Variants in ZKSCAN7 observed in about 807,000 individuals in gnomAD.
ZKSCAN7 encodes the protein zinc finger with KRAB and SCAN domains 7, also known as zinc finger protein with KRAB and SCAN domains 7.
ZKSCAN7 carries 38 observed loss-of-function variants against 65.3 expected under a neutral mutation model. The observed-to-expected ratio is 0.58, with a 90% confidence interval of 0.45 to 0.76. The LOEUF (loss-of-function observed/expected upper bound fraction) is 0.76, where lower values mean the gene tolerates loss of function less well. Among genes scored for constraint, ZKSCAN7 ranks in the 30% least tolerant of loss-of-function variants. The pLI is 0.00. For missense variants in ZKSCAN7, 815 were observed against 913.3 expected (o/e 0.89, Z 1.39); for synonymous variants, 321 against 321.0 (o/e 1.00, Z 0.00).
rs1414862813 is a variant in ZKSCAN7, at chr3:44,570,444, G to C, written c.1334G>C (p.Gly445Ala). ...GEKPYECSEC[G>A]KAYRHSSHLI... ...AAACCCTATGAATGCAGTGAGTGTG[G>C]AAAGGCCTATAGGCACAGCTCCCAT... Residue 445 changes from glycine (G) to alanine (A), a missense_variant, in exon 6 of 6, where the codon GGA becomes GCA. Physicochemically the swap from Gly to Ala is moderately conservative, Grantham distance 60. Around this residue, in one of 3 missense-constraint regions of ZKSCAN7, gnomAD observed 578 missense variants for 629.5 expected, o/e 0.92. Coordinates refer to ENST00000426540, the MANE Select transcript of ZKSCAN7 (RefSeq NM_001288590.2). The C allele has an allele frequency of 2.5e-6, 4 of 1,614,104 alleles. No individual in the cohort carries two copies. Among genetic ancestry groups the C allele is most frequent in the Non-Finnish European group, 3.4e-6 (4 of 1,180,002 alleles).
At position 44,565,644 on chromosome 3, in the gene ZKSCAN7, G is replaced by A. The variant is rs368385757; in HGVS notation, c.581G>A (p.Ser194Asn). ...PYDPGTHHLP[S>N]GDFAQCTSPV... ...GACCCAGGGACACACCACCTCCCCA[G>A]TGGGGACTTCGGTACTTATCTCCCC... is the stretch of plus-strand genomic sequence containing the variant. Residue 194 changes from serine to asparagine, a missense_variant, in exon 3 of 6, where the codon AGT becomes AAT. Coordinates refer to ENST00000426540, the MANE Select transcript of ZKSCAN7 (RefSeq NM_001288590.2). The A allele has an allele frequency of 1.1e-5, 18 of 1,599,428 alleles. No individual in the cohort carries two copies. The African/African-American group carries it at 2.3e-4, about 20-fold the overall frequency.
intron 5 of ZKSCAN7, among the ~76,000 whole-genome samples, chr3:44,578,902 C>T (rs1699988053): frequency 6.6e-6 from 1 of 152,254 alleles, no homozygotes; most frequent in Non-Finnish European, 1.5e-5. Flanking sequence ...GGGCGCTCTG[C>T]TCCCGGCCCA....
At chr3:44,578,682 G>A (rs1170433409) in intron 5 of ZKSCAN7, among the ~76,000 whole-genome samples, 1 of 152,158 alleles carries the variant, frequency 6.6e-6, no homozygotes, top group Admixed American at 6.5e-5. Flanking sequence ...TCCAGCTCCC[G>A]CTCCATCTCC....
chr3:44,580,755 G>A (rs758130531), intron 5 of ZKSCAN7: 2 of 1,613,660 alleles, frequency 1.2e-6, no homozygotes, highest in Non-Finnish European at 1.7e-6. Context: ...AGGAAGGGTC[G>A]TGGGCATCTC....
chr3:44,563,483 C>T (rs1699541107), intron 2 of ZKSCAN7, among the ~76,000 whole-genome samples: 1 of 152,072 alleles, frequency 6.6e-6, no homozygotes, highest in Non-Finnish European at 1.5e-5. Flanking sequence ...GACTGGGAGG[C>T]CTCAGGAAAC....
intron 2 of ZKSCAN7, among the ~76,000 whole-genome samples, chr3:44,562,540 A>G (rs1320986971): frequency 6.6e-6 from 1 of 152,184 alleles, no homozygotes; most frequent in African/African-American, 2.4e-5. Context: ...TTTCTACCAC[A>G]TGGCCGGGCT....
chr3:44,568,665 A>G (rs1329801175), intron 5 of ZKSCAN7, among the ~76,000 whole-genome samples: 1 of 152,208 alleles, frequency 6.6e-6, no homozygotes, highest in Non-Finnish European at 1.5e-5. Context: ...CTTAGTTGTA[A>G]GGAACAGAGA....
chr3:44,573,591 A>G (rs1248835237), downstream of ZKSCAN7, among the ~76,000 whole-genome samples: 1 of 152,132 alleles, frequency 6.6e-6, no homozygotes, highest in East Asian at 1.9e-4. Flanking sequence ...ATGTGTTTCC[A>G]TTTTCCTTTA....
intron 5 of ZKSCAN7, chr3:44,578,221 A>C: frequency 6.5e-7 from 1 of 1,528,686 alleles, no homozygotes; most frequent in Non-Finnish European, 9.1e-7. Flanking sequence ...TTGTGGTGTC[A>C]CTTGCGTACT....
chr3:44,580,267 A>G (rs999418345), intron 5 of ZKSCAN7: 2 of 1,613,800 alleles, frequency 1.2e-6, no homozygotes, highest in African/African-American at 2.7e-5. Flanking sequence ...TTGCGGCCAC[A>G]GTCCATGCGG....
intron 5 of ZKSCAN7, among the ~76,000 whole-genome samples, chr3:44,579,261 G>T (rs893239495): frequency 2.6e-5 from 4 of 152,222 alleles, no homozygotes; most frequent in Non-Finnish European, 4.4e-5. Flanking sequence ...TGCTTGCGGC[G>T]CTCCTCCCGC....
At chr3:44,580,692 C>T (rs911234260) in intron 5 of ZKSCAN7, 16 of 1,613,802 alleles carry the variant, frequency 9.9e-6, no homozygotes, top group East Asian at 2.2e-5. Flanking sequence ...CTGGCCCGTG[C>T]GGCCCTCCCC....
chr3:44,570,373 G>A lies in ZKSCAN7; in HGVS notation c.1263G>A (p.Arg421=). ...GTAATGAGTGTGGGAAGACCTTCAGGCAAACCTCCCAGCTCATTGTTCATC... is the reference window on the plus strand; with the variant it reads ...GTAATGAGTGTGGGAAGACCTTCAGACAAACCTCCCAGCTCATTGTTCATC... ...YECNECGKTF[R]QTSQLIVHLR... is the part of the protein sequence containing the mutation. The change falls in exon 6 of 6, where the codon AGG becomes AGA. Residue 421 remains arginine (R), a synonymous_variant. Transcript: ENST00000426540. 1.2e-6 allele frequency: 2 copies of A among 1,613,170 alleles called. No individual in the cohort carries two copies. The highest frequency in any genetic ancestry group is 1.1e-5 in the South Asian group (1 of 91,002).
chr3:44,568,079 G>T, intron 4 of ZKSCAN7, 76 bp downstream of exon 4: 1 of 1,184,486 alleles, frequency 8.4e-7, no homozygotes, highest in South Asian at 1.4e-5. Context: ...TCACCCCCAG[G>T]ACTCTGCCCC....
chr3:44,572,676 T>C (rs572558744), downstream of ZKSCAN7, among the ~76,000 whole-genome samples: 1 of 151,554 alleles, frequency 6.6e-6, no homozygotes, highest in Non-Finnish European at 1.5e-5. Flanking sequence ...GGTGAAACTC[T>C]GTCTTTACTA....
intron 5 of ZKSCAN7, chr3:44,578,324 A>G (rs908045852): frequency 6.3e-7 from 1 of 1,596,148 alleles, no homozygotes. Context: ...CCGCAATAAG[A>G]CTTCTAGTTC....
chr3:44,582,120 GT>G (rs1233092130), intron 5 of ZKSCAN7, among the ~76,000 whole-genome samples: 3 of 152,226 alleles, frequency 2.0e-5, no homozygotes, highest in Non-Finnish European at 4.4e-5. Flanking sequence ...TACAGGGAAG[GT>G]GTTAACGATT....
intron 5 of ZKSCAN7, 79 bp from the exon 6 acceptor site, chr3:44,569,843 G>T: frequency 6.9e-7 from 1 of 1,444,496 alleles, no homozygotes. Flanking sequence ...TTTTTTTCAG[G>T]TATGTTAGCT....
intron 1 of ZKSCAN7, 140 bp from the exon 2 acceptor site, chr3:44,556,790 C>T (rs1699306985): frequency 3.7e-6 from 2 of 541,582 alleles, no homozygotes; most frequent in Admixed American, 6.8e-5. Context: ...TTAAGAAGGG[C>T]ATCATTTGGA....
Sources: allele counts gnomAD v4.1 joint callset (sites outside exome capture counted in the v4.1 genomes callset), GRCh38; gene constraint gnomAD v4.1.1; regional missense constraint gnomAD v4.1.1; transcripts MANE v1.5; gene names NCBI Gene and HGNC (gene_info 2026-07-23, HGNC 2026-07-21).